The following DHX36 variants were observed in gnomAD, a reference collection of about 807,000 sequenced individuals.
DHX36 encodes DEAH-box helicase 36.
A neutral mutation model predicts 139.0 loss-of-function variants in DHX36; 50 were observed. That is an observed-to-expected ratio of 0.36 (90% confidence interval 0.29 to 0.46). The LOEUF is 0.46. Among genes scored for constraint, DHX36 ranks in the 20% least tolerant of loss-of-function variants. The pLI, the probability that DHX36 is intolerant of heterozygous loss-of-function variation, is 1.00. For synonymous variants in DHX36, 425 were observed against 401.9 expected, an observed-to-expected ratio of 1.06 and a Z score of -0.69; for missense variants, 1,024 against 1,211.3, an observed-to-expected ratio of 0.85 and a Z score of 2.29.
intron 9 of DHX36, among the ~76,000 whole-genome samples, chr3:154,302,895 C>T (rs1422467097): frequency 9.2e-5 from 14 of 152,012 alleles, no homozygotes; most frequent in Non-Finnish European, 1.5e-5. Flanking sequence ...CTGGCCAACA[C>T]GGTGAAACTA....
chr3:154,309,520 T>A, intron 5 of DHX36, 133 bp downstream of exon 5: 2 of 646,988 alleles, frequency 3.1e-6, no homozygotes, highest in Non-Finnish European at 4.7e-6. Flanking sequence ...ATTAAACATG[T>A]TAAGCAACTA....
At chr3:154,283,067 T>A in intron 20 of DHX36, 121 bp downstream of exon 20, 1 of 683,390 alleles carries the variant, frequency 1.5e-6, no homozygotes, top group Non-Finnish European at 2.6e-6. Flanking sequence ...TGTGTATATA[T>A]ACAAATATAC....
Position 154,309,084 on chromosome 3 carries a change from G to T in DHX36, c.813+569C>A, listed in dbSNP as rs553282505. ...ATGCCTATAGTACCACCTACTTGGG[G>T]GGCGGAGGCAGGAGGATCACTTGAA... On this transcript the variant is annotated intron_variant, in intron 5 of 24. Transcript: ENST00000496811. Among the ~76,000 whole-genome samples the T allele has an allele frequency of 1.4e-4, 21 of 152,048 alleles. No individual in the cohort carries two copies. In the South Asian group the frequency reaches 4.2e-3, roughly 30 times the overall value.
At chr3:154,322,535 A>C (rs1038886541) in intron 1 of DHX36, among the ~76,000 whole-genome samples, 4 of 152,240 alleles carry the variant, frequency 2.6e-5, no homozygotes, top group Non-Finnish European at 4.4e-5. Flanking sequence ...GCTGAAATGA[A>C]GGGGAAGAAG....
rs573966628 is a variant in DHX36, at chr3:154,276,039, T to G, written c.*132A>C. On this transcript the variant is annotated 3_prime_UTR_variant, in exon 25 of 25. Coordinates refer to ENST00000496811, the MANE Select transcript of DHX36 (RefSeq NM_020865.3). The stretch of plus-strand genomic sequence containing the variant: ...CATCAAGTCATGCACATTAAGTCTT[T>G]ACTACCTACTGAAGGCTTCTACCTT... 2.0e-3 allele frequency: 1,338 copies of G among 655,956 alleles called. 25 individuals carry two copies. The South Asian group carries it at 0.021, about 10-fold the overall frequency. The allele number at this position is 655,956 out of a possible 1,614,324, so 40.6% of individuals were successfully genotyped here.
Position 154,283,273 on chromosome 3 carries a change from T to C in DHX36, c.2293-2A>G, listed in dbSNP as rs1300571774. ...ACGTCGCCTAGCCTCTTCCCAGCCC[T>C]ATGGGGCAAAGAAATGAAGAAATCT... On this transcript the variant is annotated splice_acceptor_variant, in intron 19 of 24. Transcript: ENST00000496811. LOFTEE classifies it high-confidence loss of function. 1 of 1,605,242 alleles carries C rather than the reference T, an allele frequency of 6.2e-7. No homozygotes were observed. Among genetic ancestry groups the C allele is most frequent in the South Asian group, 1.1e-5 (1 of 90,620 alleles).
rs1295553014 is a variant in DHX36 at position 154,302,662 on chromosome 3, A to G, written c.1217+667T>C. On this transcript the variant is annotated intron_variant, in intron 9 of 24. Transcript: ENST00000496811. ...GATTGAGAAGACTGGGGGAAATTAT[A>G]TTTAAAGGTTCGGCAATGGAAGCCA... Among the ~76,000 whole-genome samples the G allele has an allele frequency of 2.0e-5, 3 of 152,208 alleles. No individual in the cohort carries two copies. In the East Asian group the frequency reaches 5.8e-4, roughly 29 times the overall value.
intron 16 of DHX36, 34 bp from the exon 17 acceptor site, chr3:154,288,998 A>T (rs1429626939): frequency 9.4e-7 from 1 of 1,068,278 alleles, no homozygotes; most frequent in Non-Finnish European, 1.3e-6. Context: ...TTAAATACAT[A>T]TAATATTAAT....
chr3:154,297,620 G>C (rs923253506), intron 12 of DHX36, among the ~76,000 whole-genome samples: 1 of 151,488 alleles, frequency 6.6e-6, no homozygotes, highest in African/African-American at 2.4e-5. Context: ...CTGAGGCAGG[G>C]AACTGCTTGA....
At chr3:154,320,385 T>C (rs1417584020) in intron 1 of DHX36, among the ~76,000 whole-genome samples, 1 of 150,992 alleles carries the variant, frequency 6.6e-6, no homozygotes, top group African/African-American at 2.5e-5. Context: ...TTTAACAAGA[T>C]GTCAGGTGAT....
At chr3:154,293,047 T>C (rs930517526) in intron 14 of DHX36, among the ~76,000 whole-genome samples, 1 of 152,140 alleles carries the variant, frequency 6.6e-6, no homozygotes, top group East Asian at 1.9e-4. Context: ...CATGGTTTAA[T>C]ATCAGCTTCC....
At chr3:154,300,803 C>T in intron 10 of DHX36, 107 bp from the exon 11 acceptor site, 1 of 1,274,366 alleles carries the variant, frequency 7.8e-7, no homozygotes, top group Non-Finnish European at 1.1e-6. Flanking sequence ...ACATAATCTA[C>T]AGATCGGAGA....
chr3:154,285,442 ATTCC>A (rs1711515357), intron 17 of DHX36, among the ~76,000 whole-genome samples: 1 of 152,206 alleles, frequency 6.6e-6, no homozygotes, highest in African/African-American at 2.4e-5. Context: ...TTCTGCTCTG[ATTCC>A]CTAGGTCATC....
intron 17 of DHX36, among the ~76,000 whole-genome samples, chr3:154,286,685 G>C (rs1305479473): frequency 6.6e-6 from 1 of 152,026 alleles, no homozygotes; most frequent in Non-Finnish European, 1.5e-5. Flanking sequence ...ATACTGTAAA[G>C]ATGTCAGTTC....
chr3:154,324,195 G>T lies in DHX36; in HGVS notation c.222C>A (p.Asn74Lys), dbSNP rs199746825. Residue 74 changes from asparagine (N) to lysine (K), a missense_variant, in exon 1 of 25, where the codon AAC becomes AAA. By Grantham distance (94) the Asn-to-Lys change is moderately conservative. Coordinates refer to ENST00000496811, the MANE Select transcript of DHX36 (RefSeq NM_020865.3). The part of the protein sequence containing the change: ...MWYAKKQGQK[N>K]KEAERQERAV... ...TTACCTCTTGCCTCTCCGCTTCCTTGTTCTTCTGCCCCTGTTTTTTCGCGT... is the reference window on the plus strand; with the variant it reads ...TTACCTCTTGCCTCTCCGCTTCCTTTTTCTTCTGCCCCTGTTTTTTCGCGT... The T allele has an allele frequency of 6.2e-6, 10 of 1,612,636 alleles. No homozygotes were observed. The East Asian group carries it at 1.8e-4, about 29-fold the overall frequency.
chr3:154,295,684 T>C (rs1712016351), intron 12 of DHX36, among the ~76,000 whole-genome samples: 1 of 152,226 alleles, frequency 6.6e-6, no homozygotes, highest in Non-Finnish European at 1.5e-5. Context: ...GCTCAAAAGT[T>C]GGGAGTAATC....
At chr3:154,284,703 C>T (rs761627141) in intron 18 of DHX36, 34 bp from the exon 19 acceptor site, 4 of 1,596,280 alleles carry the variant, frequency 2.5e-6, no homozygotes, top group African/African-American at 2.7e-5. Context: ...ATTTAAATTG[C>T]TCTGATGCTA....
chr3:154,304,664 T>C (rs1187541580), intron 8 of DHX36, 142 bp downstream of exon 8: 3 of 629,464 alleles, frequency 4.8e-6, no homozygotes, highest in Non-Finnish European at 2.5e-6. Context: ...GTCTAATCCA[T>C]GAAACTGGAG....
intron 17 of DHX36, among the ~76,000 whole-genome samples, chr3:154,285,206 G>A (rs1325578179): frequency 6.6e-6 from 1 of 152,134 alleles, no homozygotes; most frequent in African/African-American, 2.4e-5. Context: ...CACACAACTT[G>A]GCTTTTCTGT....
Sources: gnomAD v4.1 joint callset for allele counts (sites outside exome capture counted in the v4.1 genomes callset) on GRCh38, gnomAD v4.1.1 for gene constraint, MANE v1.5 for transcripts, NCBI Gene and HGNC (gene_info 2026-07-23, HGNC 2026-07-21) for gene names.